The following SLC24A2 variants were observed in gnomAD, a reference collection of about 807,000 sequenced individuals.
The protein encoded by SLC24A2 is solute carrier family 24 member 2.
Under a neutral mutation model 62.0 loss-of-function variants are expected in SLC24A2, and 36 were observed. The observed-to-expected ratio is 0.58, with a 90% CI of 0.44 to 0.77. SLC24A2 has a LOEUF of 0.77. Among genes scored for constraint, SLC24A2 ranks in the 30% least tolerant of loss-of-function variants. The probability of loss-of-function intolerance (pLI) is 0.00; values close to 1 mark genes in which losing one functional copy is unlikely to be tolerated. For missense variants in SLC24A2, 846 were observed against 817.9 expected (o/e 1.03, Z -0.42); for synonymous variants, 358 against 294.0 (o/e 1.22, Z -2.23).
the SLC24A2 span, among the ~76,000 whole-genome samples, chr9:20,303,185 C>T: frequency 6.6e-6 from 1 of 152,070 alleles, no homozygotes; most frequent in East Asian, 1.9e-4. Flanking sequence ...TCATGCATCA[C>T]GGGAGTACAG....
In SLC24A2 at chr9:19,513,153, G is replaced by GATATATATATATATATATATATATGTAT. The variant is rs1188899124; in HGVS notation, c.*2999_*3000insATACATATATATATATATATATATATAT. ...TGTGTACATATAGATCTGGTATAAA[G>GATATATATATATATATATATATATGTAT]ATATATATATATATATATATATGTA... On this transcript the variant is annotated 3_prime_UTR_variant, in exon 11 of 11. Transcript: ENST00000341998. The GATATATATATATATATATATATATGTAT allele has an allele frequency of 3.7e-5, 3 of 80,594 alleles. No homozygotes were observed. The highest frequency in any genetic ancestry group is 9.4e-5 in the African/African-American group (2 of 21,204). 5.0% of individuals were successfully genotyped at this position (80,594 alleles called of 1,614,324 possible).
the SLC24A2 span, among the ~76,000 whole-genome samples, chr9:20,136,004 C>G: frequency 5.9e-5 from 9 of 152,102 alleles, no homozygotes; most frequent in African/African-American, 1.9e-4. Flanking sequence ...AGATACTAGG[C>G]TGGTGGCTGG....
At chr9:19,714,438 C>G (rs567593887) in intron 2 of SLC24A2, among the ~76,000 whole-genome samples, 3 of 151,776 alleles carry the variant, frequency 2.0e-5, no homozygotes, top group Non-Finnish European at 4.4e-5. Context: ...TAAAATAAAA[C>G]AAAATAAAAT....
At chr9:20,214,679 A>C in the SLC24A2 span, among the ~76,000 whole-genome samples, 1 of 152,178 alleles carries the variant, frequency 6.6e-6, no homozygotes, top group Non-Finnish European at 1.5e-5. Flanking sequence ...TATTCTTATC[A>C]CAATAAAATG....
chr9:19,773,837 A>C (rs754466269), intron 2 of SLC24A2, among the ~76,000 whole-genome samples: 1 of 152,234 alleles, frequency 6.6e-6, no homozygotes, highest in Non-Finnish European at 1.5e-5. Flanking sequence ...GAACACATTT[A>C]TAGGGTGGCA....
At chr9:19,865,745 G>C in the SLC24A2 span, among the ~76,000 whole-genome samples, 2 of 152,120 alleles carry the variant, frequency 1.3e-5, no homozygotes, top group South Asian at 2.1e-4. Context: ...TGTGAAACTA[G>C]TACAGGGAAA....
chr9:20,082,454 G>A, the SLC24A2 span, among the ~76,000 whole-genome samples: 1 of 152,208 alleles, frequency 6.6e-6, no homozygotes, highest in Non-Finnish European at 1.5e-5. Context: ...TGATATTCAA[G>A]GTGGCGGATT....
the SLC24A2 span, among the ~76,000 whole-genome samples, chr9:20,045,473 C>T: frequency 1.3e-5 from 2 of 152,000 alleles, no homozygotes; most frequent in African/African-American, 4.8e-5. Flanking sequence ...GCACTGTCGC[C>T]CGGGCTGGAG....
chr9:19,664,676 C>T (rs951685394), intron 2 of SLC24A2, among the ~76,000 whole-genome samples: 3 of 152,106 alleles, frequency 2.0e-5, no homozygotes, highest in Middle Eastern at 3.2e-3. Flanking sequence ...GGGCCTAAAT[C>T]CAATGACTGG....
At chr9:20,016,317 A>G in the SLC24A2 span, among the ~76,000 whole-genome samples, 2 of 152,244 alleles carry the variant, frequency 1.3e-5, no homozygotes, top group Admixed American at 6.5e-5. Flanking sequence ...ATTTATACAT[A>G]CAATACCAAT....
the SLC24A2 span, among the ~76,000 whole-genome samples, chr9:20,072,016 C>T: frequency 2.6e-5 from 4 of 152,134 alleles, no homozygotes; most frequent in Admixed American, 2.6e-4. Context: ...AACTTCTGTC[C>T]TTGTGGGCTT....
chr9:20,198,315 G>A, the SLC24A2 span, among the ~76,000 whole-genome samples: 1 of 152,212 alleles, frequency 6.6e-6, no homozygotes, highest in Non-Finnish European at 1.5e-5. Flanking sequence ...TTTGGAGGCG[G>A]GTGGCTGCCT....
At chr9:20,138,326 T>C in the SLC24A2 span, among the ~76,000 whole-genome samples, 2 of 152,228 alleles carry the variant, frequency 1.3e-5, no homozygotes, top group African/African-American at 4.8e-5. Flanking sequence ...AATCCATATG[T>C]TGCTCATTCA....
chr9:19,650,107 A>C (rs1818756508), intron 2 of SLC24A2, among the ~76,000 whole-genome samples: 1 of 152,224 alleles, frequency 6.6e-6, no homozygotes, highest in African/African-American at 2.4e-5. Context: ...GGCTATTTTG[A>C]AGATGAAAGG....
chr9:20,064,636 A>G, the SLC24A2 span, among the ~76,000 whole-genome samples: 14 of 152,338 alleles, frequency 9.2e-5, no homozygotes, highest in Non-Finnish European at 1.8e-4. Flanking sequence ...CCCATTGGAA[A>G]TGTAAACAGG....
rs765400410 is a variant in SLC24A2, at chr9:19,520,983, A to G, written c.1647T>C (p.Leu549=). Residue 549 remains leucine, a synonymous_variant, in exon 10 of 11, where the codon CTT becomes CTC. Coordinates refer to ENST00000341998, the MANE Select transcript of SLC24A2 (RefSeq NM_020344.4). The part of the protein sequence containing the change: ...ILAAGTSIPD[L]ITSVIVARKG... ...TCCGGGCCACTATGACACTGGTGATAAGATCAGGGATGGAGGTCCCAGCAG... is the reference window on the plus strand; with the variant it reads ...TCCGGGCCACTATGACACTGGTGATGAGATCAGGGATGGAGGTCCCAGCAG... 1 of 1,614,082 alleles carries G rather than the reference A, an allele frequency of 6.2e-7. No homozygotes were observed. Among genetic ancestry groups the G allele is most frequent in the South Asian group, 1.1e-5 (1 of 91,076 alleles).
the SLC24A2 span, among the ~76,000 whole-genome samples, chr9:19,930,872 T>C: frequency 6.6e-6 from 1 of 152,196 alleles, no homozygotes; most frequent in African/African-American, 2.4e-5. Context: ...CTGGTTCTTT[T>C]AGCCTGTGTT....
chr9:19,512,963 AAT>A lies in SLC24A2; in HGVS notation c.*3188_*3189del, dbSNP rs1350317016. The A allele has an allele frequency of 6.6e-6, 1 of 151,666 alleles. No individual in the cohort carries two copies. Among genetic ancestry groups the A allele is most frequent in the Non-Finnish European group, 1.5e-5 (1 of 67,952 alleles). The allele number at this position is 151,666 out of a possible 1,614,324, so 9.4% of individuals were successfully genotyped here. ...ATGGGTACATATGTGTATATTTGTAAATATATGTGCATGGAACAAACAACCTT... is the reference window on the plus strand; with the variant it reads ...ATGGGTACATATGTGTATATTTGTAAATATGTGCATGGAACAAACAACCTT... On this transcript the variant is annotated 3_prime_UTR_variant, in exon 11 of 11. Transcript: ENST00000341998.
chr9:19,544,114 T>C (rs1472468498), intron 8 of SLC24A2, among the ~76,000 whole-genome samples: 1 of 152,200 alleles, frequency 6.6e-6, no homozygotes, highest in Non-Finnish European at 1.5e-5. Flanking sequence ...TGGATGCTCC[T>C]GAATGGTGTG....
Sources: allele counts gnomAD v4.1 joint callset (sites outside exome capture counted in the v4.1 genomes callset), GRCh38; gene constraint gnomAD v4.1.1; transcripts MANE v1.5; gene names NCBI Gene and HGNC (gene_info 2026-07-23, HGNC 2026-07-21).